Variants in CCDC110 observed in about 807,000 individuals in gnomAD.
CCDC110 encodes coiled-coil domain-containing protein 110.
A neutral mutation model predicts 77.1 loss-of-function variants in CCDC110; 70 were observed. The observed-to-expected ratio is 0.91, with a 90% CI of 0.75 to 1.11. CCDC110 has a LOEUF of 1.11. Among genes scored for constraint, CCDC110 ranks in the 50% least tolerant of loss-of-function variants. The pLI, the probability that CCDC110 is intolerant of heterozygous loss-of-function variation, is 0.00. For missense variants in CCDC110, 868 were observed against 942.9 expected (o/e 0.92, Z 1.04); for synonymous variants, 295 against 312.5 (o/e 0.94, Z 0.59).
rs1288875987 is a variant in CCDC110 at position 185,471,520 on chromosome 4, C to T, written c.10+154G>A. The T allele has an allele frequency of 1.0e-5, 8 of 798,254 alleles. No homozygotes were observed. The East Asian group carries it at 1.7e-4, about 17-fold the overall frequency. 49.4% of individuals were successfully genotyped at this position (798,254 alleles called of 1,614,324 possible). On this transcript the variant is annotated intron_variant, in intron 1 of 6. Coordinates refer to ENST00000307588, the MANE Select transcript of CCDC110 (RefSeq NM_152775.4). ...GACGCAGGGGGCCGCAGCGGGTGCT[C>T]AGCCCTAGGGCCGAGCGGGAGATGT...
chr4:185,452,831 G>T (rs1031088070), intron 6 of CCDC110, among the ~76,000 whole-genome samples: 15 of 146,876 alleles, frequency 1.0e-4, no homozygotes, highest in Non-Finnish European at 1.8e-4. Flanking sequence ...TGAGGCGGAG[G>T]TTGCAGTGAG....
chr4:185,445,656 A>C (rs1362835248), intron 6 of CCDC110, 114 bp from the exon 7 acceptor site: 1 of 624,002 alleles, frequency 1.6e-6, no homozygotes, highest in East Asian at 2.9e-5. Context: ...CAGGTTTTGC[A>C]TACTCTCAAA....
In CCDC110 at chr4:185,459,832, A is replaced by G; in HGVS notation, c.755T>C (p.Leu252Pro). ...CHSIKQMKEE[L>P]QKSHDGEVAL... is the part of the protein sequence containing the mutation. ...CACTTCCCCATCATGTGACTTTTGA[A>G]GCTCTTCTTTCATTTGTTTGATAGA... Residue 252 changes from leucine to proline, a missense_variant, in exon 6 of 7, where the codon CTT (leucine) becomes CCT (proline). Transcript: ENST00000307588. 1 of 1,613,376 alleles carries G rather than the reference A, an allele frequency of 6.2e-7. No homozygotes were observed. Among genetic ancestry groups the G allele is most frequent in the Non-Finnish European group, 8.5e-7 (1 of 1,179,840 alleles).
At chr4:185,457,611 G>A (rs945850024) in intron 6 of CCDC110, 56 of 526,008 alleles carry the variant, frequency 1.1e-4, no homozygotes, top group Middle Eastern at 5.0e-4. Flanking sequence ...ATTCGCCACC[G>A]TTCTTGACAG....
intron 2 of CCDC110, among the ~76,000 whole-genome samples, chr4:185,464,376 C>T (rs546199772): frequency 1.2e-4 from 19 of 152,168 alleles, no homozygotes; most frequent in Middle Eastern, 3.4e-3. Context: ...GGAGGGAGAG[C>T]GAGTCTGTCT....
intron 6 of CCDC110, among the ~76,000 whole-genome samples, chr4:185,453,962 T>C (rs1216826462): frequency 6.6e-6 from 1 of 151,844 alleles, no homozygotes; most frequent in East Asian, 1.9e-4. Context: ...TACAGGCGCC[T>C]GCCAACCAAG....
chr4:185,456,004 AAGATCAGT>A (rs1432669616), intron 6 of CCDC110, among the ~76,000 whole-genome samples: 1 of 152,192 alleles, frequency 6.6e-6, no homozygotes. Context: ...AAGCAGACAC[AAGATCAGT>A]ACAGATATAG....
chr4:185,462,424 A>C (rs1362481067), intron 4 of CCDC110, among the ~76,000 whole-genome samples: 1 of 152,252 alleles, frequency 6.6e-6, no homozygotes, highest in Non-Finnish European at 1.5e-5. Context: ...GTATTGAAAA[A>C]ATCAGCGAGT....
At position 185,468,444 on chromosome 4, in the gene CCDC110, T is replaced by A. The variant is rs1185986512; in HGVS notation, c.115+2501A>T. 6.6e-6 allele frequency among the ~76,000 whole-genome samples: 1 copy of A among 152,204 alleles called. No homozygotes were observed. Among genetic ancestry groups the A allele is most frequent in the Admixed American group, 6.5e-5 (1 of 15,284 alleles). ...GAGAAGCCTTCTCAAAATTCTCCAGTGCTTCTCAATTTTCTCAGAATAAAT... is the reference window on the plus strand; with the variant it reads ...GAGAAGCCTTCTCAAAATTCTCCAGAGCTTCTCAATTTTCTCAGAATAAAT... On this transcript the variant is annotated intron_variant, in intron 2 of 6. Coordinates refer to ENST00000307588, the MANE Select transcript of CCDC110 (RefSeq NM_152775.4). This position sits in a 1 kb window ranked among gnomAD's most constrained non-coding sequence, Gnocchi z 4.5.
chr4:185,469,397 T>A (rs1039240884), intron 2 of CCDC110, among the ~76,000 whole-genome samples: 1 of 152,236 alleles, frequency 6.6e-6, no homozygotes, highest in Non-Finnish European at 1.5e-5. Flanking sequence ...CTCTTAAACA[T>A]GTACATGTGC....
At chr4:185,451,751 CAG>C (rs1215419977) in intron 6 of CCDC110, among the ~76,000 whole-genome samples, 8 of 152,198 alleles carry the variant, frequency 5.3e-5, no homozygotes, top group African/African-American at 1.9e-4. Flanking sequence ...TTTATATTTT[CAG>C]AGTTTATCAA....
rs2095639416 is a variant in CCDC110, at chr4:185,458,370, A to G, written c.2217T>C (p.Leu739=). The G allele has an allele frequency of 1.3e-6, 2 of 1,590,384 alleles. No homozygotes were observed. Among genetic ancestry groups the G allele is most frequent in the East Asian group, 4.5e-5 (2 of 44,578 alleles). ...NIKFENSISR[L]TEDKILLENY... ...TTTCTAAAAGTATTTTGTCTTCAGT[A>G]AGTCTACTGATGCTGTTTTCAAATT... The change falls in exon 6 of 7, where the codon CTT becomes CTC. Residue 739 remains leucine, a synonymous_variant. Coordinates refer to ENST00000307588, the MANE Select transcript of CCDC110 (RefSeq NM_152775.4).
chr4:185,455,611 C>T (rs1383232840), intron 6 of CCDC110, among the ~76,000 whole-genome samples: 2 of 152,110 alleles, frequency 1.3e-5, no homozygotes, highest in African/African-American at 2.4e-5. Context: ...TGGCCAGGCG[C>T]GGTGGCTTAT....
At chr4:185,471,496 A>C (rs760781871) in intron 1 of CCDC110, 178 bp downstream of exon 1, 34 of 621,682 alleles carry the variant, frequency 5.5e-5, no homozygotes, top group African/African-American at 4.1e-4. Context: ...GCCACAGCGG[A>C]CGCAGGGGGC....
intron 2 of CCDC110, among the ~76,000 whole-genome samples, chr4:185,466,672 C>T (rs1182908613): frequency 2.6e-5 from 4 of 151,944 alleles, no homozygotes; most frequent in African/African-American, 7.3e-5. Context: ...AAGGCTCAAG[C>T]GATCCTCCCA....
intron 3 of CCDC110, 23 bp from the exon 4 acceptor site, chr4:185,462,731 A>G (rs2095648648): frequency 1.9e-6 from 3 of 1,597,728 alleles, no homozygotes; most frequent in Middle Eastern, 1.7e-4. Context: ...TAAAGTATGA[A>G]ATTGAGTATT....
In CCDC110 at chr4:185,458,317, C is replaced by G; in HGVS notation, c.2270G>C (p.Arg757Thr). Residue 757 changes from arginine to threonine, a missense_variant, in exon 6 of 7, where the codon AGG (arginine) becomes ACG (threonine). By Grantham distance (71) the Arg-to-Thr change is moderately conservative. Coordinates refer to ENST00000307588, the MANE Select transcript of CCDC110 (RefSeq NM_152775.4). ...ENYVRSIENE[R>T]DTLEFEMRHL... ...CCGCATCTCAAATTCCAAGGTATCCCTTTCATTTTCTATGCTTCTTACGTA... is the reference window on the plus strand; with the variant it reads ...CCGCATCTCAAATTCCAAGGTATCCGTTTCATTTTCTATGCTTCTTACGTA... 6 of 1,590,872 alleles carry G rather than the reference C, an allele frequency of 3.8e-6. No homozygotes were observed. Among genetic ancestry groups the G allele is most frequent in the Non-Finnish European group, 5.1e-6 (6 of 1,173,334 alleles).
At chr4:185,461,269 A>C (rs1463595096) in intron 4 of CCDC110, 110 bp from the exon 5 acceptor site, 1 of 565,302 alleles carries the variant, frequency 1.8e-6, no homozygotes, top group Non-Finnish European at 3.1e-6. Context: ...CTGCCCATAA[A>C]CAGTCTTTCC....
At chr4:185,456,464 T>C (rs1214897863) in intron 6 of CCDC110, among the ~76,000 whole-genome samples, 1 of 152,126 alleles carries the variant, frequency 6.6e-6, no homozygotes. Context: ...AATGAAATAA[T>C]AAGCTGATTT....
Sources: gnomAD v4.1 joint callset for allele counts (sites outside exome capture counted in the v4.1 genomes callset) on GRCh38, gnomAD v4.1.1 for gene constraint, Gnocchi (gnomAD v3.1) non-coding constraint, MANE v1.5 for transcripts, NCBI Gene and HGNC (gene_info 2026-07-23, HGNC 2026-07-21) for gene names.